Variants in UBXN2A observed in about 807,000 individuals in gnomAD.
UBXN2A encodes UBX domain-containing protein 2A.
A neutral mutation model predicts 28.4 loss-of-function variants in UBXN2A; 28 were observed. The observed-to-expected ratio is 0.99, with a 90% CI of 0.73 to 1.35. The LOEUF (loss-of-function observed/expected upper bound fraction) is 1.35, where lower values mean the gene tolerates loss of function less well. UBXN2A is among the 40% of genes most tolerant of loss of function. The pLI is 0.00. For missense variants in UBXN2A, 253 were observed against 297.9 expected (o/e 0.85, Z 1.11); for synonymous variants, 97 against 103.6 (o/e 0.94, Z 0.39).
chr2:23,983,951 C>T (rs1573595834), intron 5 of UBXN2A, among the ~76,000 whole-genome samples: 2 of 152,332 alleles, frequency 1.3e-5, no homozygotes, highest in East Asian at 3.9e-4. Flanking sequence ...GCTGGGATTA[C>T]AGGTGTGAGC....
chr2:23,949,000 G>T (rs149840870), intron 1 of UBXN2A, among the ~76,000 whole-genome samples: 2 of 147,604 alleles, frequency 1.4e-5, no homozygotes, highest in Non-Finnish European at 3.0e-5. Flanking sequence ...GAGCACATTG[G>T]CGTGATCTCC....
intron 6 of UBXN2A, among the ~76,000 whole-genome samples, chr2:23,995,711 A>C (rs564526491): frequency 6.8e-6 from 1 of 147,572 alleles, no homozygotes; most frequent in East Asian, 2.0e-4. Context: ...AAAAGAAAAG[A>C]AAAAAAAAAG....
intron 1 of UBXN2A, among the ~76,000 whole-genome samples, chr2:23,957,880 G>C (rs1197600868): frequency 6.6e-6 from 1 of 152,032 alleles, no homozygotes; most frequent in Non-Finnish European, 1.5e-5. Context: ...CACCCACCTT[G>C]GCCTCCCAAA....
At chr2:23,947,074 G>T (rs907708220) in intron 1 of UBXN2A, among the ~76,000 whole-genome samples, 6 of 152,070 alleles carry the variant, frequency 3.9e-5, no homozygotes, top group Admixed American at 3.9e-4. Flanking sequence ...TTGTAGTAGT[G>T]ACAGGGTCTC....
At chr2:23,940,067 G>A (rs1044688260), upstream of UBXN2A, among the ~76,000 whole-genome samples, 5 of 145,126 alleles carry the variant, frequency 3.4e-5, no homozygotes, top group African/African-American at 1.3e-4. Context: ...CCAAGATCGC[G>A]CCATTGTATT....
chr2:23,966,554 G>A (rs1313744790), intron 2 of UBXN2A, among the ~76,000 whole-genome samples: 16 of 149,618 alleles, frequency 1.1e-4, no homozygotes, highest in Non-Finnish European at 2.2e-4. Context: ...CCAGGTTCAC[G>A]CCATTCTTCT....
At chr2:23,935,397 C>CAA (rs143316152) in intron 1 of UBXN2A, among the ~76,000 whole-genome samples, 11 of 151,620 alleles carry the variant, frequency 7.3e-5, no homozygotes, top group Non-Finnish European at 1.3e-4. Context: ...ACAACAACAA[C>CAA]AACAAAAAAA....
At chr2:23,963,146 C>T (rs1029773929) in intron 2 of UBXN2A, among the ~76,000 whole-genome samples, 9 of 152,110 alleles carry the variant, frequency 5.9e-5, no homozygotes, top group Non-Finnish European at 1.0e-4. Flanking sequence ...CCACCAGGTC[C>T]CTCCCACAAC....
Position 23,999,748 on chromosome 2 carries a change from C to T in UBXN2A, c.661C>T (p.Leu221Phe), listed in dbSNP as rs1485978873. The T allele has an allele frequency of 1.3e-5, 21 of 1,614,052 alleles. No homozygotes were observed. The highest frequency in any genetic ancestry group is 1.7e-5 in the Non-Finnish European group (20 of 1,180,048). Residue 221 changes from leucine to phenylalanine, a missense_variant, in exon 7 of 7, where the codon CTT becomes TTT. Leu to Phe is a conservative substitution (Grantham distance 22). Coordinates refer to ENST00000309033, the MANE Select transcript of UBXN2A (RefSeq NM_181713.4). ...TCCTCCGTTTTCCCTGGCAACAGCT[C>T]TTCCTGTCCTCAGGTTGCTAGATGA... ...RSPPFSLATALPVLRLLDETL... is the reference protein window; with the variant it reads ...RSPPFSLATAFPVLRLLDETL...
intron 2 of UBXN2A, among the ~76,000 whole-genome samples, chr2:23,965,133 C>T (rs932558566): frequency 3.3e-5 from 5 of 152,096 alleles, no homozygotes; most frequent in African/African-American, 7.2e-5. Context: ...CTCCCACCTC[C>T]GCCTCCTAAA....
At chr2:23,948,714 T>C in intron 1 of UBXN2A, among the ~76,000 whole-genome samples, 1 of 152,140 alleles carries the variant, frequency 6.6e-6, no homozygotes. Flanking sequence ...AAATAACATA[T>C]ACAAGGTCAC....
chr2:23,986,701 G>A (rs933898467), intron 6 of UBXN2A, among the ~76,000 whole-genome samples: 2 of 150,218 alleles, frequency 1.3e-5, no homozygotes, highest in African/African-American at 4.9e-5. Context: ...TTCATCCCCC[G>A]GGTTCAAGCG....
chr2:23,942,358 T>C (rs1226305562), intron 1 of UBXN2A, among the ~76,000 whole-genome samples: 1 of 150,544 alleles, frequency 6.6e-6, no homozygotes, highest in Non-Finnish European at 1.5e-5. Flanking sequence ...CAGCAGTTGT[T>C]GTGTGGAAAG....
chr2:23,963,120 A>G (rs1039918946), intron 2 of UBXN2A, among the ~76,000 whole-genome samples: 34 of 152,320 alleles, frequency 2.2e-4, no homozygotes, highest in African/African-American at 7.9e-4. Context: ...ACTTGCTCCC[A>G]TGATTCAATT....
At chr2:23,929,800 C>CT (rs1213404615) in intron 1 of UBXN2A, among the ~76,000 whole-genome samples, 1 of 152,112 alleles carries the variant, frequency 6.6e-6, no homozygotes, top group African/African-American at 2.4e-5. Context: ...TGCTTTCCTC[C>CT]TTTTTTGTGT....
At chr2:23,985,553 G>A (rs1172558075) in intron 6 of UBXN2A, among the ~76,000 whole-genome samples, 1 of 151,154 alleles carries the variant, frequency 6.6e-6, no homozygotes, top group African/African-American at 2.4e-5. Context: ...CGACCAGCCT[G>A]GCCAAACATT....
At chr2:23,970,975 C>T (rs1347051549) in intron 2 of UBXN2A, among the ~76,000 whole-genome samples, 1 of 152,142 alleles carries the variant, frequency 6.6e-6, no homozygotes, top group Non-Finnish European at 1.5e-5. Context: ...ACCTGCTGTG[C>T]AACCTGGTTT....
intron 3 of UBXN2A, among the ~76,000 whole-genome samples, chr2:23,972,476 G>T (rs1309732953): frequency 6.6e-6 from 1 of 151,748 alleles, no homozygotes; most frequent in Non-Finnish European, 1.5e-5. Context: ...ACTTCCAAGG[G>T]GAAAAAAAAA....
chr2:23,931,915 G>A (rs890244095), intron 1 of UBXN2A, among the ~76,000 whole-genome samples: 2 of 152,056 alleles, frequency 1.3e-5, no homozygotes, highest in Admixed American at 6.6e-5. Flanking sequence ...GGAGACTGAG[G>A]CAGGAGAATC....
Sources: allele counts gnomAD v4.1 joint callset (sites outside exome capture counted in the v4.1 genomes callset), GRCh38; gene constraint gnomAD v4.1.1; transcripts MANE v1.5; gene names NCBI Gene and HGNC (gene_info 2026-07-23, HGNC 2026-07-21).